The following ARL13B variants were observed in gnomAD, a reference collection of about 807,000 sequenced individuals.
The protein encoded by ARL13B is ARF like GTPase 13B.
In ARL13B, 36 loss-of-function variants were observed where a neutral mutation model predicts 56.1. The observed-to-expected ratio is 0.64, with a 90% CI of 0.49 to 0.85. The LOEUF is 0.85. Among genes scored for constraint, ARL13B ranks in the 40% least tolerant of loss-of-function variants. ARL13B has a pLI of 0.00. For missense variants in ARL13B, 519 were observed against 507.1 expected, an observed-to-expected ratio of 1.02 and a Z score of -0.23; for synonymous variants, 178 against 171.1, an observed-to-expected ratio of 1.04 and a Z score of -0.32.
intron 1 of ARL13B, 76 bp downstream of exon 1, chr3:93,980,558 T>C (rs1710161931): frequency 6.4e-7 from 1 of 1,572,636 alleles, no homozygotes; most frequent in Non-Finnish European, 8.6e-7. Flanking sequence ...CGCCGCCTTT[T>C]CCCCGCGCCT....
intron 3 of ARL13B, among the ~76,000 whole-genome samples, chr3:94,019,081 CT>C (rs34175007): frequency 1.3e-5 from 2 of 150,910 alleles, no homozygotes; most frequent in Admixed American, 6.6e-5. Context: ...TCATTCTTGA[CT>C]TTTTTTTTCT....
intron 1 of ARL13B, among the ~76,000 whole-genome samples, chr3:93,991,911 T>A (rs1473636717): frequency 3.3e-5 from 5 of 152,212 alleles, no homozygotes; most frequent in African/African-American, 4.8e-5. Flanking sequence ...CTAAAACATT[T>A]AATTAAAGCC....
chr3:93,995,746 C>A, intron 1 of ARL13B, 128 bp from the exon 2 acceptor site: 1 of 783,608 alleles, frequency 1.3e-6, no homozygotes. Context: ...TACTCCCTAG[C>A]ATCCAACAGA....
intron 3 of ARL13B, among the ~76,000 whole-genome samples, chr3:94,032,497 CTTTT>C: frequency 6.8e-6 from 1 of 146,602 alleles, no homozygotes; most frequent in Non-Finnish European, 1.5e-5. Context: ...ATGGAGATTT[CTTTT>C]TTTTTTTTCT....
intron 7 of ARL13B, among the ~76,000 whole-genome samples, chr3:94,044,065 G>T (rs940544404): frequency 6.6e-6 from 1 of 152,100 alleles, no homozygotes; most frequent in South Asian, 2.1e-4. Context: ...TACAGCCTCT[G>T]CCTGCCCGCC....
intron 3 of ARL13B, among the ~76,000 whole-genome samples, chr3:94,013,366 G>A (rs879601657): frequency 1.4e-4 from 22 of 152,084 alleles, no homozygotes; most frequent in African/African-American, 4.1e-4. Context: ...CTCTATTCCC[G>A]TGTTGTGTGA....
chr3:94,038,031 A>G (rs1404716529), intron 5 of ARL13B, among the ~76,000 whole-genome samples: 3 of 152,224 alleles, frequency 2.0e-5, no homozygotes, highest in Non-Finnish European at 4.4e-5. Context: ...GATTAAAAAC[A>G]AGCTTTTTAC....
At position 94,055,409 on chromosome 3, in the gene ARL13B, T is replaced by C. The variant is rs113848286; in HGVS notation, c.*2146T>C. On this transcript the variant is annotated 3_prime_UTR_variant, in exon 10 of 10. Transcript: ENST00000394222. ...AGATTAAAATAATGCATTTTTTTGA[T>C]ACTTTACACACAAAACTTTTTTCTC... is the stretch of plus-strand genomic sequence containing the variant. 2.3e-3 allele frequency: 1,040 copies of C among 451,380 alleles called. 7 individuals carry two copies. The highest frequency in any genetic ancestry group is 0.015 in the Middle Eastern group (21 of 1,436). 28.0% of individuals were successfully genotyped at this position (451,380 alleles called of 1,614,324 possible).
Position 94,043,240 on chromosome 3 carries a change from G to C in ARL13B, c.1024G>C (p.Ala342Pro), listed in dbSNP as rs1411050811. 9.9e-6 allele frequency: 16 copies of C among 1,610,434 alleles called. No homozygotes were observed. Among genetic ancestry groups the C allele is most frequent in the Non-Finnish European group, 1.2e-5 (14 of 1,177,730 alleles). ...DETDRPSLES[A>P]NGKKKTKKLR... Reference sequence around the variant, plus strand: ...GACAGACCGGCCATCATTGGAATCAGGTAATAAATCTAGTTATTTAAAGTA... The same window carrying C: ...GACAGACCGGCCATCATTGGAATCACGTAATAAATCTAGTTATTTAAAGTA... Residue 342 changes from alanine to proline, a missense_variant and splice_region_variant, in exon 7 of 10, where the codon GCT (alanine) becomes CCT (proline). By Grantham distance (27) the Ala-to-Pro change is conservative. Coordinates refer to ENST00000394222, the MANE Select transcript of ARL13B (RefSeq NM_001174150.2).
intron 2 of ARL13B, among the ~76,000 whole-genome samples, chr3:93,997,531 G>A (rs1320417082): frequency 2.0e-5 from 3 of 152,224 alleles, no homozygotes; most frequent in East Asian, 3.9e-4. Context: ...TATCTTCTAC[G>A]TTATATCTTC....
At chr3:93,987,147 T>A (rs1220272594) in intron 1 of ARL13B, among the ~76,000 whole-genome samples, 1 of 145,684 alleles carries the variant, frequency 6.9e-6, no homozygotes, top group Non-Finnish European at 1.5e-5. Context: ...CCATGATGCT[T>A]ATATTTCTGA....
intron 3 of ARL13B, among the ~76,000 whole-genome samples, chr3:94,012,878 G>A (rs2076249419): frequency 6.6e-6 from 1 of 151,996 alleles, no homozygotes; most frequent in South Asian, 2.1e-4. Context: ...TCTTCATATG[G>A]TAGATAGAAT....
intron 3 of ARL13B, among the ~76,000 whole-genome samples, chr3:94,032,438 T>C (rs561022657): frequency 7.5e-4 from 114 of 152,350 alleles, no homozygotes; most frequent in African/African-American, 2.7e-3. Flanking sequence ...AAAAGGAATG[T>C]TTATACACTC....
In ARL13B at chr3:94,043,215, G is replaced by A. The variant is rs1286882652; in HGVS notation, c.999G>A (p.Glu333=). The A allele has an allele frequency of 5.6e-6, 9 of 1,613,198 alleles. No homozygotes were observed. The highest frequency in any genetic ancestry group is 7.6e-6 in the Non-Finnish European group (9 of 1,179,758). Residue 333 remains glutamate, a synonymous_variant, in exon 7 of 10, where the codon GAG becomes GAA. Transcript: ENST00000394222. ...CACAGCAGTTAAAGAATGAAGATGA[G>A]ACAGACCGGCCATCATTGGAATCAG... ...ALTQQLKNED[E]TDRPSLESAN...
intron 3 of ARL13B, chr3:94,014,826 CA>C: frequency 6.2e-7 from 1 of 1,614,106 alleles, no homozygotes; most frequent in Non-Finnish European, 8.5e-7. Context: ...TGTATATAAA[CA>C]TGATTTGCTG....
In ARL13B at chr3:94,035,253, A is replaced by C; in HGVS notation, c.381-78A>C. On this transcript the variant is annotated intron_variant, in intron 3 of 9. Transcript: ENST00000394222. ...CTCAGTCTCAAAAAAAAAAAAAAAAAAGAATGTGGTCAAAATATCTTTAAG... is the reference window on the plus strand; with the variant it reads ...CTCAGTCTCAAAAAAAAAAAAAAAACAGAATGTGGTCAAAATATCTTTAAG... 5.6e-6 allele frequency: 6 copies of C among 1,071,264 alleles called. No individual in the cohort carries two copies. The South Asian group carries it at 8.5e-5, about 15-fold the overall frequency. 66.4% of individuals were successfully genotyped at this position (1,071,264 alleles called of 1,614,324 possible).
chr3:94,055,041 A>G lies in ARL13B; in HGVS notation c.*1778A>G. The G allele has an allele frequency of 2.8e-6, 1 of 357,592 alleles. No individual in the cohort carries two copies. Among genetic ancestry groups the G allele is most frequent in the South Asian group, 2.3e-5 (1 of 43,512 alleles). The allele number at this position is 357,592 out of a possible 1,614,324, so 22.2% of individuals were successfully genotyped here. A position where few individuals can be genotyped will look rare whatever the true frequency, so the allele number is the denominator to read the frequency against. On this transcript the variant is annotated 3_prime_UTR_variant, in exon 10 of 10. Transcript: ENST00000394222. The stretch of plus-strand genomic sequence containing the variant: ...TCTATCTGTTTACTATAGTGTAGCT[A>G]CTGGCTTCATTTAATAAAAATAAAT...
At chr3:93,989,994 T>TTTTG (rs2075840517) in intron 1 of ARL13B, among the ~76,000 whole-genome samples, 2 of 151,936 alleles carry the variant, frequency 1.3e-5, no homozygotes, top group Non-Finnish European at 2.9e-5. Flanking sequence ...GTATCTCTTT[T>TTTTG]TTTTGTTTTG....
chr3:94,036,173 A>G (rs546490809), intron 4 of ARL13B, among the ~76,000 whole-genome samples: 114 of 152,338 alleles, frequency 7.5e-4, no homozygotes, highest in African/African-American at 2.7e-3. Context: ...GGTTTCAAAA[A>G]ACATTAGGCT....
Sources: allele counts gnomAD v4.1 joint callset (sites outside exome capture counted in the v4.1 genomes callset), GRCh38; gene constraint gnomAD v4.1.1; transcripts MANE v1.5; gene names NCBI Gene and HGNC (gene_info 2026-07-23, HGNC 2026-07-21).